Variants in RGS17 observed in about 807,000 individuals in gnomAD.
The protein encoded by RGS17 is regulator of G protein signaling 17.
Under a neutral mutation model 25.5 loss-of-function variants are expected in RGS17, and 12 were observed. That is an observed-to-expected ratio of 0.47 (90% confidence interval 0.30 to 0.76). The LOEUF (loss-of-function observed/expected upper bound fraction) is 0.76, where lower values mean the gene tolerates loss of function less well. Ranked by LOEUF, RGS17 falls within the 30% of genes least tolerant of loss-of-function variation. The pLI, the probability that RGS17 is intolerant of heterozygous loss-of-function variation, is 0.07. For synonymous variants in RGS17, 71 were observed against 76.9 expected (o/e 0.92, Z 0.40); for missense variants, 196 against 242.2 (o/e 0.81, Z 1.27).
chr6:153,086,237 T>C (rs1054019651), intron 1 of RGS17, among the ~76,000 whole-genome samples: 2 of 152,172 alleles, frequency 1.3e-5, no homozygotes, highest in African/African-American at 4.8e-5. Context: ...ATGAATTGAT[T>C]TTTGGAACTA....
chr6:153,125,539 T>C (rs1562340812), intron 1 of RGS17, among the ~76,000 whole-genome samples: 1 of 152,224 alleles, frequency 6.6e-6, no homozygotes, highest in Non-Finnish European at 1.5e-5. Flanking sequence ...GGTTTTACTG[T>C]ATTTGATAAA....
intron 2 of RGS17, among the ~76,000 whole-genome samples, chr6:153,034,171 T>C (rs1307533836): frequency 1.3e-5 from 2 of 152,160 alleles, no homozygotes; most frequent in Non-Finnish European, 2.9e-5. Flanking sequence ...AGTTAGTGTG[T>C]GTGTGTGAAT....
At chr6:153,117,102 C>T (rs1275349253) in intron 1 of RGS17, among the ~76,000 whole-genome samples, 2 of 151,892 alleles carry the variant, frequency 1.3e-5, no homozygotes, top group Admixed American at 6.6e-5. Flanking sequence ...ATATAAATAC[C>T]CGAGACTGGG....
At chr6:153,092,784 T>C (rs919197266) in intron 1 of RGS17, among the ~76,000 whole-genome samples, 6 of 152,186 alleles carry the variant, frequency 3.9e-5, no homozygotes, top group Admixed American at 2.0e-4. Flanking sequence ...GTAACTTAAG[T>C]GCGTTTTGCT....
chr6:153,028,601 TG>T lies in RGS17; in HGVS notation c.120-2059del, dbSNP rs577791970. 8.2e-4 allele frequency among the ~76,000 whole-genome samples: 125 copies of T among 151,796 alleles called. 1 individual carries two copies. The South Asian group carries it at 8.8e-3, about 11-fold the overall frequency. On this transcript the variant is annotated intron_variant, in intron 2 of 4. Transcript: ENST00000206262. ...TTCCAGTCATGATGGGAAAAGTGGA[TG>T]GGGGGGGATACACTGCTGACAATAT... is the stretch of plus-strand genomic sequence containing the variant.
intron 1 of RGS17, among the ~76,000 whole-genome samples, chr6:153,086,298 G>T (rs1777052770): frequency 6.6e-6 from 1 of 152,048 alleles, no homozygotes; most frequent in Admixed American, 6.5e-5. Context: ...TAACTCATAG[G>T]CTATCTGAAA....
intron 1 of RGS17, among the ~76,000 whole-genome samples, chr6:153,097,414 G>A (rs770282813): frequency 5.5e-5 from 8 of 145,098 alleles, no homozygotes; most frequent in Non-Finnish European, 9.0e-5. Context: ...TTCTCCTGCC[G>A]CAGCCTCCCA....
chr6:153,029,917 C>A (rs1375173211), intron 2 of RGS17, among the ~76,000 whole-genome samples: 2 of 152,190 alleles, frequency 1.3e-5, no homozygotes, highest in Non-Finnish European at 2.9e-5. Context: ...GACACTCCCC[C>A]ACTGACTTTT....
chr6:153,006,731 T>C lies in RGS17; in HGVS notation c.*4843A>G, dbSNP rs1779080150. 6.6e-6 allele frequency: 1 copy of C among 152,256 alleles called. No individual in the cohort carries two copies. The highest frequency in any genetic ancestry group is 2.1e-4 in the South Asian group (1 of 4,838). 9.4% of individuals were successfully genotyped at this position (152,256 alleles called of 1,614,324 possible). The stretch of plus-strand genomic sequence containing the variant: ...TAATAATGTATGCCACACTTTATTC[T>C]TTCCACGTTTGTTTTATTTAATGCT... On this transcript the variant is annotated 3_prime_UTR_variant, in exon 5 of 5. Coordinates refer to ENST00000206262, the MANE Select transcript of RGS17 (RefSeq NM_012419.5).
In RGS17 at chr6:153,080,716, A is replaced by C. The variant is rs191442091; in HGVS notation, c.-25-36673T>G. On this transcript the variant is annotated intron_variant, in intron 1 of 4. Transcript: ENST00000206262. ...ATTGAGTTCTTTCTTCCTTACTAAC[A>C]TAAGAAGCATTGAATGCTGTAAAAA... 3.5e-3 allele frequency among the ~76,000 whole-genome samples: 538 copies of C among 152,176 alleles called. 13 individuals carry two copies. The highest frequency in any genetic ancestry group is 5.6e-4 in the Non-Finnish European group (38 of 67,994).
At chr6:153,106,735 C>A (rs193097359) in intron 1 of RGS17, among the ~76,000 whole-genome samples, 1 of 151,928 alleles carries the variant, frequency 6.6e-6, no homozygotes, top group Non-Finnish European at 1.5e-5. Context: ...CTCCACCTCC[C>A]GGTTTCAAGC....
At chr6:153,099,003 T>A (rs1777257149) in intron 1 of RGS17, among the ~76,000 whole-genome samples, 1 of 152,030 alleles carries the variant, frequency 6.6e-6, no homozygotes, top group Non-Finnish European at 1.5e-5. Context: ...CATGGTTGTA[T>A]CTCTTGTCCC....
chr6:153,090,063 T>C (rs1318383542), intron 1 of RGS17, among the ~76,000 whole-genome samples: 1 of 152,196 alleles, frequency 6.6e-6, no homozygotes, highest in Non-Finnish European at 1.5e-5. Flanking sequence ...CATTTTTTAT[T>C]CCCAGTTTAA....
chr6:153,014,701 G>A (rs1779165254), intron 4 of RGS17, among the ~76,000 whole-genome samples: 1 of 151,970 alleles, frequency 6.6e-6, no homozygotes, highest in South Asian at 2.1e-4. Flanking sequence ...GGGAGGCTGA[G>A]GCAGGAGAAT....
At chr6:153,030,183 C>T (rs1779345885) in intron 2 of RGS17, among the ~76,000 whole-genome samples, 1 of 152,114 alleles carries the variant, frequency 6.6e-6, no homozygotes, top group African/African-American at 2.4e-5. Context: ...AATGTGCCCC[C>T]TCTCTATGGG....
At chr6:153,067,305 T>C (rs1380547613) in intron 1 of RGS17, among the ~76,000 whole-genome samples, 1 of 152,068 alleles carries the variant, frequency 6.6e-6, no homozygotes, top group Admixed American at 6.6e-5. Context: ...CTGGAAGTCC[T>C]GAGTAGAGCA....
At chr6:153,044,685 T>C (rs950464721) in intron 1 of RGS17, among the ~76,000 whole-genome samples, 1 of 152,208 alleles carries the variant, frequency 6.6e-6, no homozygotes, top group African/African-American at 2.4e-5. Context: ...AAATTTATCT[T>C]TATTTAACGG....
chr6:153,081,038 ATATATAT>A (rs1272193242), intron 1 of RGS17, among the ~76,000 whole-genome samples: 4 of 151,892 alleles, frequency 2.6e-5, no homozygotes, highest in African/African-American at 9.7e-5. Context: ...ATCTATTGTG[ATATATAT>A]TTATGTGTAC....
intron 1 of RGS17, among the ~76,000 whole-genome samples, chr6:153,066,627 C>T (rs1204180868): frequency 6.6e-6 from 1 of 152,112 alleles, no homozygotes; most frequent in Non-Finnish European, 1.5e-5. Flanking sequence ...TTCAACAATA[C>T]ATTAAAAAGA....
Sources: gnomAD v4.1 joint callset for allele counts (sites outside exome capture counted in the v4.1 genomes callset) on GRCh38, gnomAD v4.1.1 for gene constraint, MANE v1.5 for transcripts, NCBI Gene and HGNC (gene_info 2026-07-23, HGNC 2026-07-21) for gene names.